The following TDRD1 variants were observed in gnomAD, a reference collection of about 807,000 sequenced individuals.
TDRD1 encodes the protein tudor domain-containing protein 1.
In TDRD1, 37 loss-of-function variants were observed where a neutral mutation model predicts 140.6. That is an observed-to-expected ratio of 0.26 (90% CI 0.20 to 0.35). The LOEUF is 0.35. Ranked by LOEUF, TDRD1 falls within the 10% of genes least tolerant of loss-of-function variation. TDRD1 has a pLI of 1.00. For synonymous variants in TDRD1, 506 were observed against 475.7 expected (o/e 1.06, Z -0.83); for missense variants, 1,243 against 1,393.0 (o/e 0.89, Z 1.71).
At chr10:114,203,316 A>G in intron 7 of TDRD1, 72 bp from the exon 8 acceptor site, 1 of 1,533,134 alleles carries the variant, frequency 6.5e-7, no homozygotes, top group African/African-American at 1.4e-5. Flanking sequence ...TGTCTTAGTT[A>G]CAAAGCTTTA....
chr10:114,208,667 T>C (rs559981740), intron 11 of TDRD1, among the ~76,000 whole-genome samples: 29 of 152,308 alleles, frequency 1.9e-4, no homozygotes, highest in Middle Eastern at 3.4e-3. Flanking sequence ...CCTACAAGAT[T>C]TAGACTATCT....
At chr10:114,203,207 CAG>C (rs2034878412) in intron 7 of TDRD1, 31 bp downstream of exon 7, 1 of 1,551,952 alleles carries the variant, frequency 6.4e-7, no homozygotes, top group African/African-American at 1.4e-5. Flanking sequence ...TCCATAGACA[CAG>C]ATCCAGAGAA....
chr10:114,204,094 C>G (rs1188947396), exon 9 of TDRD1: 1 of 1,605,626 alleles, frequency 6.2e-7, no homozygotes, highest in South Asian at 1.1e-5. Context: ...AGCAATCATA[C>G]AAAACGTTGA....
chr10:114,195,104 G>T (rs1281915812), intron 3 of TDRD1, among the ~76,000 whole-genome samples: 1 of 152,014 alleles, frequency 6.6e-6, no homozygotes, highest in African/African-American at 2.4e-5. Flanking sequence ...TTTAACTCAT[G>T]TATTATTTAG....
At chr10:114,181,772 G>A (rs1311760595) in intron 1 of TDRD1, among the ~76,000 whole-genome samples, 2 of 151,414 alleles carry the variant, frequency 1.3e-5, no homozygotes, top group African/African-American at 2.4e-5. Flanking sequence ...TTGAACCCAG[G>A]ATGCAGAGGT....
intron 4 of TDRD1, among the ~76,000 whole-genome samples, chr10:114,200,402 A>C (rs946488733): frequency 1.3e-5 from 2 of 151,664 alleles, no homozygotes; most frequent in Admixed American, 6.6e-5. Context: ...TTTTTAGATA[A>C]CCTGTTTCTT....
rs374468967 is a variant in TDRD1 at position 114,183,700 on chromosome 10, CTTTTT to C, written c.-6-4110_-6-4106del. On this transcript the variant is annotated intron_variant, in intron 1 of 25. Coordinates refer to ENST00000251864, the Ensembl canonical transcript of TDRD1. Reference sequence around the variant, plus strand: ...TGTCTATTAAAGCCATCACAGTTAACTTTTTTTTTTTTTTTTTTTTGAGACAGTCT... The same window carrying C: ...TGTCTATTAAAGCCATCACAGTTAACTTTTTTTTTTTTTTTGAGACAGTCT... 2.0e-3 allele frequency among the ~76,000 whole-genome samples: 258 copies of C among 129,618 alleles called. 2 individuals are homozygous for C. The highest frequency in any genetic ancestry group is 7.2e-3 in the African/African-American group (247 of 34,154). The allele number at this position is 129,618 out of a possible 152,430, so 85.0% of individuals were successfully genotyped here.
rs574215124 is a variant in TDRD1 at position 114,208,972 on chromosome 10, C to T, written c.1385-1609C>T. On this transcript the variant is annotated intron_variant, in intron 11 of 25. Transcript: ENST00000251864. ...GATTTTTTTGTATTTTTAGTAGAGA[C>T]AGTGTTTCACCATGTTGGCCAGGAT... Among the ~76,000 whole-genome samples, 3 of 152,088 alleles carry T rather than the reference C, an allele frequency of 2.0e-5. No homozygotes were observed. In the East Asian group the frequency reaches 5.8e-4, roughly 29 times the overall value.
intron 3 of TDRD1, among the ~76,000 whole-genome samples, chr10:114,194,836 A>T (rs2034232832): frequency 6.8e-6 from 1 of 146,958 alleles, no homozygotes; most frequent in Admixed American, 6.8e-5. Context: ...ATAGCTCACC[A>T]CAGCCTTGTA....
chr10:114,201,136 G>C (rs1171998263), intron 4 of TDRD1, among the ~76,000 whole-genome samples: 1 of 152,020 alleles, frequency 6.6e-6, no homozygotes, highest in Non-Finnish European at 1.5e-5. Context: ...GATTACAGAC[G>C]TGAGCCACTG....
At chr10:114,191,077 T>A in intron 3 of TDRD1, 58 bp downstream of exon 3, 1 of 1,534,636 alleles carries the variant, frequency 6.5e-7, no homozygotes, top group Non-Finnish European at 8.9e-7. Context: ...ACATGTTTTA[T>A]TTATTTAATA....
At chr10:114,203,608 A>T in intron 8 of TDRD1, 41 bp downstream of exon 8, 2 of 1,549,320 alleles carry the variant, frequency 1.3e-6, no homozygotes, top group South Asian at 2.5e-5. Context: ...CGTTTGAGCT[A>T]ACTTTGGTCG....
intron 8 of TDRD1, 70 bp from the exon 9 acceptor site, chr10:114,204,003 T>C (rs2034937053): frequency 6.5e-7 from 1 of 1,542,526 alleles, no homozygotes; most frequent in African/African-American, 1.4e-5. Context: ...TATAGATTGA[T>C]TGAGGGTTTT....
Position 114,199,177 on chromosome 10 carries a change from C to G in TDRD1, c.389C>G (p.Pro130Arg), listed in dbSNP as rs1383951930. Residue 130 changes from proline to arginine, a missense_variant, in exon 4 of 26, where the codon CCT (proline) becomes CGT (arginine). By Grantham distance (103) the Pro-to-Arg change is moderately radical (BLOSUM62 -2). Transcript: ENST00000251864. ...GCTCTTCTTTGTTCTTAATAGAAGC[C>G]TGGAAATAATGTACGTCCTGCAAAA... 7 of 1,608,790 alleles carry G rather than the reference C, an allele frequency of 4.4e-6. No homozygotes were observed. In the African/African-American group the frequency reaches 8.0e-5, roughly 18 times the overall value.
intron 11 of TDRD1, among the ~76,000 whole-genome samples, chr10:114,206,896 G>A (rs1358306449): frequency 2.6e-5 from 4 of 152,182 alleles, no homozygotes; most frequent in Admixed American, 1.3e-4. Context: ...GATTACAGGC[G>A]TGAGCCACTA....
In TDRD1 at chr10:114,211,478, C is replaced by T. The variant is rs887623321; in HGVS notation, c.1661-388C>T. 5.3e-5 allele frequency among the ~76,000 whole-genome samples: 8 copies of T among 152,330 alleles called. No homozygotes were observed. In the South Asian group the frequency reaches 6.2e-4, roughly 12 times the overall value. The stretch of plus-strand genomic sequence containing the variant: ...AGACGCAGTAATCCTTCAGTAAATT[C>T]ATCACTTGGTTAGTGGAGTCTGGTT... On this transcript the variant is annotated intron_variant, in intron 13 of 25. Transcript: ENST00000251864.
intron 9 of TDRD1, among the ~76,000 whole-genome samples, 169 bp from the exon 10 acceptor site, chr10:114,204,553 A>G (rs1195158691): frequency 6.6e-6 from 1 of 152,234 alleles, no homozygotes; most frequent in Non-Finnish European, 1.5e-5. Flanking sequence ...TTATGAATAC[A>G]GTACTAACAG....
At chr10:114,220,899 C>T in intron 19 of TDRD1, 56 bp downstream of exon 19, 1 of 1,325,124 alleles carries the variant, frequency 7.5e-7, no homozygotes. Context: ...CTCTCAGAGA[C>T]TATGAAAAAT....
intron 25 of TDRD1, chr10:114,231,427 C>A: frequency 7.4e-7 from 1 of 1,358,358 alleles, no homozygotes; most frequent in African/African-American, 1.5e-5. Context: ...AAATTAAAAG[C>A]CATAGCAATT....
Sources: gnomAD v4.1 joint callset for allele counts (sites outside exome capture counted in the v4.1 genomes callset) on GRCh38, gnomAD v4.1.1 for gene constraint, MANE v1.5 for transcripts, NCBI Gene and HGNC (gene_info 2026-07-23, HGNC 2026-07-21) for gene names.